The following DLG4 variants were observed in gnomAD, a reference collection of about 807,000 sequenced individuals.
DLG4 encodes disks large homolog 4.
Under a neutral mutation model 93.8 loss-of-function variants are expected in DLG4, and 7 were observed. The observed-to-expected ratio is 0.07, with a 90% CI of 0.04 to 0.14. The LOEUF (loss-of-function observed/expected upper bound fraction) is 0.14. DLG4 is among the 10% of genes least tolerant of loss of function. DLG4 has a pLI of 1.00. For synonymous variants in DLG4, 341 were observed against 387.6 expected (o/e 0.88, Z 1.41); for missense variants, 545 against 992.9 (o/e 0.55, Z 6.06).
At chr17:7,213,455 C>T (rs550686884) in intron 1 of DLG4, among the ~76,000 whole-genome samples, 1 of 152,172 alleles carries the variant, frequency 6.6e-6, no homozygotes, top group Non-Finnish European at 1.5e-5. Flanking sequence ...TTTCTGTCTG[C>T]CCAGAACATC....
At chr17:7,220,010 G>C (rs770590027), upstream of DLG4, 24 of 1,604,752 alleles carry the variant, frequency 1.5e-5, no homozygotes, top group Non-Finnish European at 2.0e-5. Context: ...ATGGCCGCGA[G>C]CTTGGGGCGG....
chr17:7,191,523 C>G lies in DLG4; in HGVS notation c.1977-165G>C, dbSNP rs1289723248. 3.1e-6 allele frequency: 2 copies of G among 651,978 alleles called. No individual in the cohort carries two copies. The highest frequency in any genetic ancestry group is 3.6e-5 in the African/African-American group (2 of 54,852). 40.4% of individuals were successfully genotyped at this position (651,978 alleles called of 1,614,324 possible). ...GGCCACAGATGAGAACCACCCCCCA[C>G]CCCCCTGCCACCCGCAACCGCCCCA... On this transcript the variant is annotated intron_variant, in intron 18 of 19. Transcript: ENST00000399506. The surrounding 1 kb of genome is among the most constrained non-coding windows in gnomAD (Gnocchi z 6.6).
intron 1 of DLG4, among the ~76,000 whole-genome samples, chr17:7,210,046 CAAAA>C (rs976444767): frequency 2.0e-5 from 3 of 151,960 alleles, no homozygotes; most frequent in African/African-American, 7.3e-5. Context: ...ATCTCCAAAA[CAAAA>C]AAGAGAGAGG....
intron 1 of DLG4, among the ~76,000 whole-genome samples, chr17:7,216,192 A>C (rs1316839763): frequency 6.6e-6 from 1 of 151,882 alleles, no homozygotes; most frequent in African/African-American, 2.4e-5. Flanking sequence ...CCCCACCTTG[A>C]TCCCAAGCGT....
At chr17:7,198,406 C>G (rs1044171932) in intron 8 of DLG4, among the ~76,000 whole-genome samples, 1 of 150,932 alleles carries the variant, frequency 6.6e-6, no homozygotes, top group African/African-American at 2.4e-5. Context: ...TTGCTTGAAC[C>G]CAGGAGGCGG....
At chr17:7,210,681 A>G (rs1213438717) in intron 1 of DLG4, among the ~76,000 whole-genome samples, 2 of 152,154 alleles carry the variant, frequency 1.3e-5, no homozygotes, top group Admixed American at 6.5e-5. Flanking sequence ...CTTCCTTCAC[A>G]AGGCCTCCAA....
At chr17:7,219,405 A>T, upstream of DLG4, 1 of 1,015,100 alleles carries the variant, frequency 9.9e-7, no homozygotes, top group Non-Finnish European at 1.2e-6. Context: ...GGGTCTTCCT[A>T]CTGTGAAACT....
At chr17:7,204,446 C>A in intron 2 of DLG4, 194 bp from the exon 3 acceptor site, 1 of 577,270 alleles carries the variant, frequency 1.7e-6, no homozygotes, top group Admixed American at 3.4e-5. Context: ...CGCACGCGCA[C>A]ACACACGCAC....
Position 7,196,963 on chromosome 17 carries a change from G to A in DLG4, c.877C>T (p.Arg293Cys), listed in dbSNP as rs770891437. 5 of 1,613,692 alleles carry A rather than the reference G, an allele frequency of 3.1e-6. No homozygotes were observed. The highest frequency in any genetic ancestry group is 2.2e-5 in the East Asian group (1 of 44,892). Residue 293 changes from arginine to cysteine, a missense_variant, in exon 9 of 20, where the codon CGC becomes TGC. Arg to Cys is a radical substitution (Grantham distance 180). Transcript: ENST00000399506. The surrounding 1 kb of genome is among the most constrained non-coding windows in gnomAD (Gnocchi z 8.3). The part of the protein sequence containing the change: ...PTAMTPTSPR[R>C]YSPVAKDLLG... ...AGGTCCTTGGCCACTGGAGAGTAGCGCCGAGGGGAAGTGGGGGTCATGGCT... is the reference window on the plus strand; with the variant it reads ...AGGTCCTTGGCCACTGGAGAGTAGCACCGAGGGGAAGTGGGGGTCATGGCT...
chr17:7,199,611 T>G (rs2070006574), intron 8 of DLG4, among the ~76,000 whole-genome samples: 1 of 152,166 alleles, frequency 6.6e-6, no homozygotes, highest in Non-Finnish European at 1.5e-5. Context: ...GCTGAGACCC[T>G]ATTAGTCCTG....
chr17:7,188,541 G>C lies in DLG4; in HGVS notation c.*2167C>G, dbSNP rs975288163. Among the ~76,000 whole-genome samples, 3 of 152,180 alleles carry C rather than the reference G, an allele frequency of 2.0e-5. No homozygotes were observed. The highest frequency in any genetic ancestry group is 7.2e-5 in the African/African-American group (3 of 41,452). ...AAACACATGAAGAAGGCAGAAGGCT[G>C]AGAGTCACCATTCTACATAGCAGGA... is the stretch of plus-strand genomic sequence containing the variant. On this transcript the variant is annotated 3_prime_UTR_variant, in exon 20 of 20. Coordinates refer to ENST00000399506, the MANE Select transcript of DLG4 (RefSeq NM_001321075.3).
chr17:7,196,280 C>A lies in DLG4; in HGVS notation c.1241G>T (p.Ser414Ile). The A allele has an allele frequency of 6.2e-7, 1 of 1,613,990 alleles. No homozygotes were observed. Among genetic ancestry groups the A allele is most frequent in the Non-Finnish European group, 8.5e-7 (1 of 1,179,872 alleles). The stretch of plus-strand genomic sequence containing the variant: ...GGACGCAGTCCCTGAGCCCAGGCTG[C>A]TGTTCATGAGCTGTTCCCGAAGGTC... ...IHDLREQLMN[S>I]SLGSGTASLR... The change falls in exon 11 of 20, where the codon AGC becomes ATC. Residue 414 changes from serine (S) to isoleucine (I), a missense_variant. By Grantham distance (142) the Ser-to-Ile change is moderately radical. Around this residue, in one of 5 missense-constraint regions of DLG4, gnomAD observed 428 missense variants for 741.4 expected, o/e 0.58. Transcript: ENST00000399506. The surrounding 1 kb of genome is among the most constrained non-coding windows in gnomAD (Gnocchi z 8.3).
chr17:7,216,262 G>A (rs970622104), intron 1 of DLG4, among the ~76,000 whole-genome samples: 1 of 152,094 alleles, frequency 6.6e-6, no homozygotes, highest in African/African-American at 2.4e-5. Flanking sequence ...ATCAGGGCTA[G>A]ATACAGTGTG....
At chr17:7,192,865 A>T (rs2069577622) in intron 17 of DLG4, 80 bp downstream of exon 17, 2 of 1,426,204 alleles carry the variant, frequency 1.4e-6, no homozygotes, top group South Asian at 2.7e-5. Context: ...AGAGAGAGAG[A>T]GAGTTAGAGA....
chr17:7,217,672 TG>T (rs371507899), upstream of DLG4: 470 of 1,142,090 alleles, frequency 4.1e-4, no homozygotes, highest in East Asian at 9.1e-4. Flanking sequence ...GGAGCCAGAA[TG>T]GGGGGGGTGC....
chr17:7,214,210 CTCCTT>C (rs1390200090), intron 1 of DLG4, among the ~76,000 whole-genome samples: 1 of 152,176 alleles, frequency 6.6e-6, no homozygotes, highest in African/African-American at 2.4e-5. Context: ...CCCCCGGATT[CTCCTT>C]TCCAAAGACC....
chr17:7,207,216 T>A (rs548550975), intron 2 of DLG4, among the ~76,000 whole-genome samples: 2 of 147,936 alleles, frequency 1.4e-5, no homozygotes, highest in African/African-American at 5.0e-5. Flanking sequence ...AGAGGGAACA[T>A]GGGAAAGGGG....
rs2069366097 is a variant in DLG4, at chr17:7,188,890, T to TAA, written c.*1817_*1818insTT. Among the ~76,000 whole-genome samples the TAA allele has an allele frequency of 1.3e-5, 2 of 152,006 alleles. No individual in the cohort carries two copies. The highest frequency in any genetic ancestry group is 2.9e-5 in the Non-Finnish European group (2 of 68,004). On this transcript the variant is annotated 3_prime_UTR_variant, in exon 20 of 20. Transcript: ENST00000399506. ...ACTGTGGGAGGCCAAGCTGGGCGGATCACCTGAGGTCAGGAGTTCGAGACC... is the reference window on the plus strand; with the variant it reads ...ACTGTGGGAGGCCAAGCTGGGCGGATAACACCTGAGGTCAGGAGTTCGAGACC...
intron 8 of DLG4, among the ~76,000 whole-genome samples, chr17:7,199,761 G>A (rs1260609052): frequency 6.6e-6 from 1 of 151,732 alleles, no homozygotes; most frequent in African/African-American, 2.4e-5. Flanking sequence ...GGGGGATCAT[G>A]AGGTCAGGAG....
Sources: allele counts gnomAD v4.1 joint callset (sites outside exome capture counted in the v4.1 genomes callset), GRCh38; gene constraint gnomAD v4.1.1; regional missense constraint gnomAD v4.1.1; non-coding constraint Gnocchi (gnomAD v3.1); transcripts MANE v1.5; gene names NCBI Gene and HGNC (gene_info 2026-07-23, HGNC 2026-07-21).